The following TBC1D4 variants were observed in gnomAD, a reference collection of about 807,000 sequenced individuals.
The protein encoded by TBC1D4 is TBC (Tre-2, BUB2, CDC16) domain-containing protein.
TBC1D4 carries 121 observed loss-of-function variants against 142.5 expected under a neutral mutation model. That is an observed-to-expected ratio of 0.85 (90% CI 0.73 to 0.99). TBC1D4 has a LOEUF of 0.99. Among genes scored for constraint, TBC1D4 ranks in the 50% least tolerant of loss-of-function variants. The pLI is 0.00. For missense variants in TBC1D4, 1,475 were observed against 1,606.6 expected (o/e 0.92, Z 1.40); for synonymous variants, 630 against 628.2 (o/e 1.00, Z -0.04).
intron 1 of TBC1D4, among the ~76,000 whole-genome samples, chr13:75,396,283 A>G (rs1884792716): frequency 6.6e-6 from 1 of 152,220 alleles, no homozygotes; most frequent in Non-Finnish European, 1.5e-5. Context: ...TTATATCTCA[A>G]CCTTTATTGT....
intron 1 of TBC1D4, among the ~76,000 whole-genome samples, chr13:75,433,258 G>T (rs1289120730): frequency 1.2e-4 from 18 of 152,164 alleles, no homozygotes; most frequent in Admixed American, 1.2e-3. Flanking sequence ...GGAAAACAGA[G>T]GAAGCTGCCC....
rs775399630 is a variant in TBC1D4 at position 75,361,977 on chromosome 13, C to T, written c.1080+49G>A. On this transcript the variant is annotated intron_variant, in intron 2 of 20. Coordinates refer to ENST00000377636, the MANE Select transcript of TBC1D4 (RefSeq NM_014832.5). ...GAGGAACTGGATGCCCAGCTACTTC[C>T]ATCTGGCACCTTTTGGGGCAAGGGC... is the stretch of plus-strand genomic sequence containing the variant. 2.5e-6 allele frequency: 4 copies of T among 1,607,154 alleles called. No homozygotes were observed. In the Admixed American group the frequency reaches 6.7e-5, roughly 27 times the overall value.
In TBC1D4 at chr13:75,303,808, C is replaced by G. The variant is rs114220190; in HGVS notation, c.2753-1407G>C. 5.6e-3 allele frequency among the ~76,000 whole-genome samples: 857 copies of G among 152,310 alleles called. 9 individuals are homozygous for G. Among genetic ancestry groups the G allele is most frequent in the African/African-American group, 0.02 (813 of 41,572 alleles). On this transcript the variant is annotated intron_variant, in intron 15 of 20. Transcript: ENST00000377636. The stretch of plus-strand genomic sequence containing the variant: ...ATTACTTCCCAGTCCCTGATGTATA[C>G]TAGACGCTTGTGGTTATTTTCACTT...
At chr13:75,312,325 T>C (rs984820971) in intron 13 of TBC1D4, among the ~76,000 whole-genome samples, 6 of 151,624 alleles carry the variant, frequency 4.0e-5, no homozygotes, top group African/African-American at 1.2e-4. Context: ...GGTAAGATGA[T>C]TGCTTGAGCC....
intron 1 of TBC1D4, among the ~76,000 whole-genome samples, chr13:75,400,565 C>A (rs1483702699): frequency 6.6e-6 from 1 of 151,330 alleles, no homozygotes; most frequent in Non-Finnish European, 1.5e-5. Flanking sequence ...TCAAGCGATT[C>A]TCCTGCCTCA....
intron 5 of TBC1D4, among the ~76,000 whole-genome samples, chr13:75,345,010 T>C (rs571982705): frequency 6.6e-6 from 1 of 152,250 alleles, no homozygotes; most frequent in African/African-American, 2.4e-5. Flanking sequence ...TGAAAGTAAC[T>C]GTTTGGAAAA....
rs778468238 is a variant in TBC1D4, at chr13:75,481,729, C to A, written c.39G>T (p.Pro13=). The A allele has an allele frequency of 8.8e-6, 14 of 1,594,620 alleles. No individual in the cohort carries two copies. Among genetic ancestry groups the A allele is most frequent in the South Asian group, 2.3e-5 (2 of 88,720 alleles). ...PPSCIQDEPF[P]HPLEPEPGVS... is the part of the protein sequence containing the mutation. ...CGCCCGGCTCGGGCTCCAGGGGGTG[C>A]GGGAACGGCTCATCCTGAATGCAGC... Residue 13 remains proline, a synonymous_variant, in exon 1 of 21, where the codon CCG becomes CCT. Coordinates refer to ENST00000377636, the MANE Select transcript of TBC1D4 (RefSeq NM_014832.5).
At chr13:75,344,258 T>A (rs903632897) in intron 5 of TBC1D4, among the ~76,000 whole-genome samples, 1 of 152,160 alleles carries the variant, frequency 6.6e-6, no homozygotes, top group Non-Finnish European at 1.5e-5. Flanking sequence ...TGTTTATTAC[T>A]CAAGTGACTA....
In TBC1D4 at chr13:75,403,986, A is replaced by G. The variant is rs201244286; in HGVS notation, c.499-41379T>C. Among the ~76,000 whole-genome samples the G allele has an allele frequency of 9.2e-5, 14 of 152,244 alleles. No homozygotes were observed. The East Asian group carries it at 2.5e-3, about 27-fold the overall frequency. Reference sequence around the variant, plus strand: ...TATACACAATGCTAGAGAAAGTTCAAGGAAATCAGGTATTTATATATATAG... The same window carrying G: ...TATACACAATGCTAGAGAAAGTTCAGGGAAATCAGGTATTTATATATATAG... On this transcript the variant is annotated intron_variant, in intron 1 of 20. Transcript: ENST00000377636.
chr13:75,457,127 T>C (rs1435375278), intron 1 of TBC1D4, among the ~76,000 whole-genome samples: 1 of 152,108 alleles, frequency 6.6e-6, no homozygotes, highest in Non-Finnish European at 1.5e-5. Context: ...TAAGGGGGAA[T>C]GGGTATCAAC....
chr13:75,371,475 T>A (rs1054696825), intron 1 of TBC1D4, among the ~76,000 whole-genome samples: 6 of 152,210 alleles, frequency 3.9e-5, no homozygotes, highest in Admixed American at 3.9e-4. Flanking sequence ...GATGGGAGTT[T>A]ATAGCATTTC....
chr13:75,359,771 G>A lies in TBC1D4; in HGVS notation c.1168C>T (p.Gln390Ter), dbSNP rs771093387. 2.4e-5 allele frequency: 39 copies of A among 1,606,566 alleles called. No individual in the cohort carries two copies. The highest frequency in any genetic ancestry group is 3.2e-5 in the Non-Finnish European group (38 of 1,173,344). The change falls in exon 3 of 21, where the codon CAG becomes TAG. Residue 390 changes from glutamine (Q) to a stop codon, truncating the protein, a stop_gained and splice_region_variant. Transcript: ENST00000377636. LOFTEE classifies it high-confidence loss of function. ...KNFKDISSCS[Q>*]GIKHVDHFGF... The stretch of plus-strand genomic sequence containing the variant: ...CTATGATATACTTTGATACATACCT[G>A]AGAACAAGAGGAGATATCTTTAAAA...
chr13:75,303,662 T>C (rs1876829394), intron 15 of TBC1D4, among the ~76,000 whole-genome samples: 2 of 152,222 alleles, frequency 1.3e-5, no homozygotes, highest in Non-Finnish European at 2.9e-5. Context: ...TAATCTCTTC[T>C]GACTGATTGC....
intron 4 of TBC1D4, among the ~76,000 whole-genome samples, chr13:75,351,952 T>C (rs1342560303): frequency 6.6e-6 from 1 of 152,212 alleles, no homozygotes; most frequent in Non-Finnish European, 1.5e-5. Context: ...TTTAAGCCCA[T>C]TTATCACATT....
intron 4 of TBC1D4, among the ~76,000 whole-genome samples, chr13:75,355,579 A>G (rs1346317110): frequency 6.6e-6 from 1 of 152,220 alleles, no homozygotes; most frequent in African/African-American, 2.4e-5. Context: ...AAGGGGGGAC[A>G]TAATGCCTTG....
chr13:75,380,089 G>C (rs940935859), intron 1 of TBC1D4, among the ~76,000 whole-genome samples: 7 of 151,274 alleles, frequency 4.6e-5, no homozygotes, highest in Non-Finnish European at 8.9e-5. Flanking sequence ...GTGTTGGCCA[G>C]GTAGGTCTCG....
At chr13:75,380,046 C>A (rs7991823) in intron 1 of TBC1D4, among the ~76,000 whole-genome samples, 16,565 of 151,314 alleles carry the variant, frequency 0.11, 972 homozygotes, top group African/African-American at 0.16. Context: ...TCCCAGTTAA[C>A]CTTTGTATTT....
At chr13:75,367,853 T>A (rs1015708526) in intron 1 of TBC1D4, among the ~76,000 whole-genome samples, 4 of 152,210 alleles carry the variant, frequency 2.6e-5, no homozygotes, top group African/African-American at 9.7e-5. Context: ...TTAATTGAGC[T>A]TTTTAAAACT....
intron 1 of TBC1D4, among the ~76,000 whole-genome samples, chr13:75,457,919 G>C (rs1456940733): frequency 6.6e-6 from 1 of 152,190 alleles, no homozygotes; most frequent in East Asian, 1.9e-4. Context: ...TTATGGAATG[G>C]GGAGCATGCA....
Sources: allele counts gnomAD v4.1 joint callset (sites outside exome capture counted in the v4.1 genomes callset), GRCh38; gene constraint gnomAD v4.1.1; transcripts MANE v1.5; gene names NCBI Gene and HGNC (gene_info 2026-07-23, HGNC 2026-07-21).